The following CYB5B variants were observed in gnomAD, a reference collection of about 807,000 sequenced individuals.
CYB5B encodes the protein cytochrome b5 type B (outer mitochondrial membrane).
A neutral mutation model predicts 21.3 loss-of-function variants in CYB5B; 14 were observed. The ratio of observed to expected loss-of-function variants is 0.66; its 90% CI spans 0.43 to 1.03. CYB5B has a LOEUF of 1.03. Among genes scored for constraint, CYB5B ranks in the 50% least tolerant of loss-of-function variants. The probability of loss-of-function intolerance (pLI) is 0.00; values close to 1 mark genes in which losing one functional copy is unlikely to be tolerated. For synonymous variants in CYB5B, 69 were observed against 68.4 expected, an observed-to-expected ratio of 1.01 and a Z score of -0.04; for missense variants, 166 against 185.1, an observed-to-expected ratio of 0.90 and a Z score of 0.60.
chr16:69,452,935 G>A (rs937664645), intron 3 of CYB5B, among the ~76,000 whole-genome samples: 6 of 151,120 alleles, frequency 4.0e-5, no homozygotes, highest in African/African-American at 1.5e-4. Context: ...GGAGGCGGAG[G>A]TTGCAATGAG....
chr16:69,462,146 A>G (rs1051922287), intron 4 of CYB5B, among the ~76,000 whole-genome samples: 1 of 152,216 alleles, frequency 6.6e-6, no homozygotes, highest in Non-Finnish European at 1.5e-5. Flanking sequence ...TCCCTAACTC[A>G]GAAATAACCA....
Position 69,424,839 on chromosome 16 carries a change from C to G in CYB5B, c.156C>G (p.Val52=). Residue 52 remains valine, a synonymous_variant, in exon 1 of 5, where the codon GTC becomes GTG. Coordinates refer to ENST00000307892, the MANE Select transcript of CYB5B (RefSeq NM_030579.3). Reference sequence around the variant, plus strand: ...TGATCCATGGGCGAGTCTACGATGTCACCCGCTTCCTCAACGAGGTGGGGC... The same window carrying G: ...TGATCCATGGGCGAGTCTACGATGTGACCCGCTTCCTCAACGAGGTGGGGC... ...WLVIHGRVYD[V]TRFLNEHPGG... is the part of the protein sequence containing the mutation. 1.3e-6 allele frequency: 2 copies of G among 1,585,354 alleles called. No homozygotes were observed. Among genetic ancestry groups the G allele is most frequent in the Non-Finnish European group, 1.7e-6 (2 of 1,165,862 alleles).
intron 1 of CYB5B, among the ~76,000 whole-genome samples, chr16:69,433,414 A>C (rs956428720): frequency 1.3e-5 from 2 of 152,180 alleles, no homozygotes; most frequent in Non-Finnish European, 2.9e-5. Context: ...AGCCAAAGTG[A>C]ATGTAGTTTC....
At chr16:69,451,653 A>G (rs1449269977) in intron 3 of CYB5B, among the ~76,000 whole-genome samples, 1 of 152,150 alleles carries the variant, frequency 6.6e-6, no homozygotes, top group Non-Finnish European at 1.5e-5. Context: ...TCAAAACAGT[A>G]TACTATAAAA....
At chr16:69,426,127 C>T (rs983568033) in intron 1 of CYB5B, among the ~76,000 whole-genome samples, 5 of 152,074 alleles carry the variant, frequency 3.3e-5, no homozygotes, top group African/African-American at 7.2e-5. Flanking sequence ...CGGTCGGGCG[C>T]GGTGGCTCAC....
chr16:69,453,443 C>G (rs1437022133), intron 3 of CYB5B, among the ~76,000 whole-genome samples: 2 of 152,066 alleles, frequency 1.3e-5, no homozygotes, highest in African/African-American at 4.8e-5. Flanking sequence ...TACCTACTAC[C>G]TAATTTATTA....
intron 4 of CYB5B, among the ~76,000 whole-genome samples, chr16:69,459,790 T>C (rs980814630): frequency 2.0e-5 from 3 of 152,166 alleles, no homozygotes; most frequent in South Asian, 2.1e-4. Flanking sequence ...TGTCTTTTTT[T>C]CCCATAAAGT....
intron 1 of CYB5B, among the ~76,000 whole-genome samples, chr16:69,434,059 T>C (rs2014732950): frequency 6.6e-6 from 1 of 152,244 alleles, no homozygotes; most frequent in African/African-American, 2.4e-5. Context: ...GTTGACCATA[T>C]TATGTGGCAC....
chr16:69,453,214 G>T (rs1597285954), intron 3 of CYB5B, among the ~76,000 whole-genome samples: 1 of 152,022 alleles, frequency 6.6e-6, no homozygotes, highest in Non-Finnish European at 1.5e-5. Flanking sequence ...GTTAGAAGCA[G>T]TCTATTAATT....
At chr16:69,451,121 C>T (rs1157629230) in intron 3 of CYB5B, among the ~76,000 whole-genome samples, 2 of 151,864 alleles carry the variant, frequency 1.3e-5, no homozygotes, top group African/African-American at 2.4e-5. Context: ...TTTTTTAACC[C>T]GCTTCAATCA....
At chr16:69,456,185 G>C (rs2014982591) in intron 3 of CYB5B, among the ~76,000 whole-genome samples, 1 of 151,928 alleles carries the variant, frequency 6.6e-6, no homozygotes, top group African/African-American at 2.4e-5. Context: ...TGTCCTCCAG[G>C]CTGGAGTACA....
intron 3 of CYB5B, among the ~76,000 whole-genome samples, chr16:69,453,197 T>C (rs2014952835): frequency 6.6e-6 from 1 of 152,114 alleles, no homozygotes. Flanking sequence ...TCTAGTAAAT[T>C]TTACATGTTA....
At chr16:69,430,520 TATAATATCTC>T (rs1362643058) in intron 1 of CYB5B, among the ~76,000 whole-genome samples, 2 of 151,698 alleles carry the variant, frequency 1.3e-5, no homozygotes, top group African/African-American at 4.8e-5. Flanking sequence ...GTGCCTGGCC[TATAATATCTC>T]ATGTATATGG....
chr16:69,446,108 G>A (rs2014875557), intron 1 of CYB5B, among the ~76,000 whole-genome samples: 1 of 151,986 alleles, frequency 6.6e-6, no homozygotes, highest in Admixed American at 6.6e-5. Flanking sequence ...ATTGTAGATG[G>A]TATTATATTA....
At chr16:69,431,561 C>T (rs1231596039) in intron 1 of CYB5B, among the ~76,000 whole-genome samples, 1 of 152,010 alleles carries the variant, frequency 6.6e-6, no homozygotes, top group Non-Finnish European at 1.5e-5. Context: ...CACTTGAGCT[C>T]AGGAGTTTGA....
At chr16:69,459,242 C>A (rs1327763807) in intron 4 of CYB5B, 121 bp downstream of exon 4, 28 of 1,250,556 alleles carry the variant, frequency 2.2e-5, no homozygotes, top group Middle Eastern at 2.0e-4. Context: ...TCTTTTTTGG[C>A]CCAAATCATT....
chr16:69,433,437 C>T (rs1390920788), intron 1 of CYB5B, among the ~76,000 whole-genome samples: 1 of 152,072 alleles, frequency 6.6e-6, no homozygotes, highest in African/African-American at 2.4e-5. Context: ...TTTTTTTACA[C>T]AAAAGATAAC....
intron 1 of CYB5B, 95 bp from the exon 2 acceptor site, chr16:69,447,055 A>G: frequency 1.4e-6 from 2 of 1,411,804 alleles, no homozygotes; most frequent in Admixed American, 2.0e-5. Flanking sequence ...CATTATTTCT[A>G]TTAAAGGGAG....
At chr16:69,461,741 A>T (rs1567476707) in intron 4 of CYB5B, among the ~76,000 whole-genome samples, 1 of 152,178 alleles carries the variant, frequency 6.6e-6, no homozygotes, top group Non-Finnish European at 1.5e-5. Flanking sequence ...AGAACTGTAT[A>T]TGCTTTGTGT....
Sources: gnomAD v4.1 joint callset for allele counts (sites outside exome capture counted in the v4.1 genomes callset) on GRCh38, gnomAD v4.1.1 for gene constraint, MANE v1.5 for transcripts, NCBI Gene and HGNC (gene_info 2026-07-23, HGNC 2026-07-21) for gene names.